The following TRHDE variants were observed in gnomAD, a reference collection of about 807,000 sequenced individuals.
The protein encoded by TRHDE is thyrotropin releasing hormone degrading enzyme.
TRHDE carries 72 observed loss-of-function variants against 125.7 expected under a neutral mutation model. The observed-to-expected ratio is 0.57, with a 90% CI of 0.47 to 0.70. The LOEUF (loss-of-function observed/expected upper bound fraction) is 0.70. Ranked by LOEUF, TRHDE falls within the 30% of genes least tolerant of loss-of-function variation. TRHDE has a pLI of 0.00. For missense variants in TRHDE, 1,110 were observed against 1,327.1 expected (o/e 0.84, Z 2.54); for synonymous variants, 509 against 509.1 (o/e 1.00, Z 0.00).
At chr12:72,270,827 T>C (rs568480528), upstream of TRHDE, among the ~76,000 whole-genome samples, 22 of 152,356 alleles carry the variant, frequency 1.4e-4, no homozygotes, top group African/African-American at 5.1e-4. Context: ...CTCTGCAGTA[T>C]AATTTTAAAC....
intron 12 of TRHDE, among the ~76,000 whole-genome samples, chr12:72,581,451 A>G (rs999886112): frequency 6.6e-6 from 1 of 152,196 alleles, no homozygotes; most frequent in African/African-American, 2.4e-5. Context: ...CATGATCATC[A>G]TTATCATCAT....
chr12:72,548,578 A>G (rs1233159663), intron 7 of TRHDE, among the ~76,000 whole-genome samples: 1 of 151,762 alleles, frequency 6.6e-6, no homozygotes, highest in Non-Finnish European at 1.5e-5. Context: ...TAAGTAATTC[A>G]AGTAATTATT....
At chr12:72,330,329 G>A (rs533812689) in intron 2 of TRHDE, among the ~76,000 whole-genome samples, 50 of 126,374 alleles carry the variant, frequency 4.0e-4, no homozygotes, top group Admixed American at 1.0e-3. Context: ...GCAAAGAAAA[G>A]TAAAAAAAAA....
chr12:72,277,728 A>G (rs1029062362), intron 1 of TRHDE, among the ~76,000 whole-genome samples: 1 of 152,132 alleles, frequency 6.6e-6, no homozygotes, highest in Non-Finnish European at 1.5e-5. Context: ...ACTCAGGGAG[A>G]AAATCTATGC....
chr12:72,530,962 G>A (rs1290324065), intron 6 of TRHDE, among the ~76,000 whole-genome samples: 1 of 152,018 alleles, frequency 6.6e-6, no homozygotes, highest in Non-Finnish European at 1.5e-5. Context: ...CTATCAAAGT[G>A]CCTTACACAG....
intron 2 of TRHDE, among the ~76,000 whole-genome samples, chr12:72,240,920 T>G (rs536492547): frequency 2.4e-4 from 36 of 152,280 alleles, no homozygotes; most frequent in African/African-American, 8.7e-4. Context: ...GCATTATTTT[T>G]TCACACATCT....
At chr12:72,095,845 G>A (rs1262194344) in intron 1 of TRHDE, among the ~76,000 whole-genome samples, 1 of 152,056 alleles carries the variant, frequency 6.6e-6, no homozygotes, top group Non-Finnish European at 1.5e-5. Flanking sequence ...TTTCTGTGAG[G>A]GTGTTTTTGT....
intron 2 of TRHDE, among the ~76,000 whole-genome samples, chr12:72,375,141 G>A (rs1871815475): frequency 6.6e-6 from 1 of 152,174 alleles, no homozygotes; most frequent in African/African-American, 2.4e-5. Context: ...CTTTGAAATG[G>A]CAGGGAAGGG....
chr12:72,349,796 G>A (rs867406056), intron 2 of TRHDE, among the ~76,000 whole-genome samples: 1 of 151,984 alleles, frequency 6.6e-6, no homozygotes, highest in Non-Finnish European at 1.5e-5. Flanking sequence ...ATTAGGTCTT[G>A]CCCTGTTATT....
intron 2 of TRHDE, among the ~76,000 whole-genome samples, chr12:72,343,399 A>G (rs181556551): frequency 6.6e-6 from 1 of 152,202 alleles, no homozygotes; most frequent in East Asian, 1.9e-4. Context: ...TTCACATTTG[A>G]TTGAAAAAAA....
In TRHDE at chr12:72,129,914, C is replaced by T. The variant is rs183757492; in HGVS notation, n.279+24162C>T. On this transcript the variant is annotated intron_variant and non_coding_transcript_variant, in intron 2 of 4. Coordinates refer to the TRHDE transcript ENST00000548156. The stretch of plus-strand genomic sequence containing the variant: ...AGGTGATTTACTAATAAAGGTTGCA[C>T]AAGATCCTCATGGAAAATATTTTAA... 4.6e-5 allele frequency among the ~76,000 whole-genome samples: 7 copies of T among 152,248 alleles called. No individual in the cohort carries two copies. The East Asian group carries it at 1.3e-3, about 29-fold the overall frequency.
intron 6 of TRHDE, among the ~76,000 whole-genome samples, chr12:72,509,205 G>A (rs1878480947): frequency 6.6e-6 from 1 of 151,924 alleles, no homozygotes; most frequent in African/African-American, 2.4e-5. Context: ...AGCATTCAGA[G>A]TGATGTTTAT....
intron 18 of TRHDE, among the ~76,000 whole-genome samples, chr12:72,660,927 C>A (rs1437161086): frequency 6.6e-6 from 1 of 152,120 alleles, no homozygotes; most frequent in South Asian, 2.1e-4. Context: ...TGTGAGCATG[C>A]GCTAGGGCCA....
In TRHDE at chr12:72,266,001, T is replaced by G. The variant is rs1879059389; in HGVS notation, n.280-111994T>G. ...CAGCCCATTTATAATAATCACTTGTTATTCAGATTCAAGAAAATACTGTAA... is the reference window on the plus strand; with the variant it reads ...CAGCCCATTTATAATAATCACTTGTGATTCAGATTCAAGAAAATACTGTAA... On this transcript the variant is annotated intron_variant and non_coding_transcript_variant, in intron 2 of 4. Transcript: ENST00000548156. 2.6e-5 allele frequency among the ~76,000 whole-genome samples: 4 copies of G among 152,164 alleles called. No homozygotes were observed. In the South Asian group the frequency reaches 8.3e-4, roughly 32 times the overall value.
chr12:72,339,953 C>G (rs1200862630), intron 2 of TRHDE, among the ~76,000 whole-genome samples: 4 of 152,194 alleles, frequency 2.6e-5, no homozygotes, highest in Admixed American at 6.5e-5. Flanking sequence ...GGTATGCCTT[C>G]TTACCTCGAT....
chr12:72,525,203 A>G (rs1053937321), intron 6 of TRHDE, among the ~76,000 whole-genome samples: 31 of 152,146 alleles, frequency 2.0e-4, no homozygotes, highest in Non-Finnish European at 1.2e-4. Flanking sequence ...TGGTATTTTA[A>G]AAAGTCACTT....
chr12:72,646,180 A>T (rs940109767), intron 15 of TRHDE, among the ~76,000 whole-genome samples: 1 of 152,140 alleles, frequency 6.6e-6, no homozygotes, highest in Non-Finnish European at 1.5e-5. Context: ...AAAGGTACAC[A>T]ATATGAATAG....
intron 1 of TRHDE, among the ~76,000 whole-genome samples, chr12:72,088,340 G>A (rs1381034682): frequency 2.6e-5 from 4 of 152,122 alleles, no homozygotes; most frequent in Admixed American, 2.0e-4. Flanking sequence ...AAAATTGCGA[G>A]TGGAAAGGGA....
chr12:72,369,928 A>C (rs1442651716), intron 2 of TRHDE, among the ~76,000 whole-genome samples: 1 of 152,154 alleles, frequency 6.6e-6, no homozygotes, highest in East Asian at 1.9e-4. Context: ...AACTATGTTT[A>C]TGAAGATTTA....
Sources: allele counts gnomAD v4.1 joint callset (sites outside exome capture counted in the v4.1 genomes callset), GRCh38; gene constraint gnomAD v4.1.1; transcripts MANE v1.5; gene names NCBI Gene and HGNC (gene_info 2026-07-23, HGNC 2026-07-21).